NKAIN2: variants seen among roughly 807,000 people sequenced by gnomAD.
The protein encoded by NKAIN2 is sodium/potassium-transporting ATPase subunit beta-1-interacting protein 2.
A neutral mutation model predicts 32.6 loss-of-function variants in NKAIN2; 14 were observed. The ratio of observed to expected loss-of-function variants is 0.43; its 90% CI spans 0.28 to 0.67. The LOEUF (loss-of-function observed/expected upper bound fraction) is 0.67, where lower values mean the gene tolerates loss of function less well. NKAIN2 is among the 30% of genes least tolerant of loss of function. The pLI, the probability that NKAIN2 is intolerant of heterozygous loss-of-function variation, is 0.17. For synonymous variants in NKAIN2, 80 were observed against 87.2 expected (o/e 0.92, Z 0.46); for missense variants, 198 against 258.3 (o/e 0.77, Z 1.60).
intron 2 of NKAIN2, among the ~76,000 whole-genome samples, chr6:124,331,390 G>A (rs188685236): frequency 3.9e-4 from 53 of 137,558 alleles, no homozygotes; most frequent in African/African-American, 1.0e-3. Context: ...CTAGCTGGGC[G>A]TGGTGGCGGA....
chr6:123,920,984 T>A (rs1176565200), intron 1 of NKAIN2, among the ~76,000 whole-genome samples: 1 of 152,196 alleles, frequency 6.6e-6, no homozygotes, highest in African/African-American at 2.4e-5. Context: ...GGAATTGGGA[T>A]ATGACTGTGG....
intron 3 of NKAIN2, among the ~76,000 whole-genome samples, chr6:124,525,306 C>T (rs369702965): frequency 2.0e-5 from 3 of 149,980 alleles, no homozygotes; most frequent in Non-Finnish European, 3.0e-5. Flanking sequence ...CTTTTTTTTT[C>T]TTAGATGATG....
intron 1 of NKAIN2, among the ~76,000 whole-genome samples, chr6:124,260,933 A>G (rs903210196): frequency 7.9e-5 from 12 of 152,216 alleles, no homozygotes; most frequent in East Asian, 1.9e-4. Context: ...TCAACACTCA[A>G]TAATTGTGCT....
At chr6:124,707,604 T>C (rs1775165562) in intron 4 of NKAIN2, among the ~76,000 whole-genome samples, 2 of 144,268 alleles carry the variant, frequency 1.4e-5, no homozygotes, top group South Asian at 4.5e-4. Context: ...ATGGTGAGCA[T>C]TTTTTCATGT....
At chr6:124,679,458 G>A (rs1314566934) in intron 4 of NKAIN2, among the ~76,000 whole-genome samples, 1 of 152,196 alleles carries the variant, frequency 6.6e-6, no homozygotes, top group Non-Finnish European at 1.5e-5. Flanking sequence ...CCAGGAGCTG[G>A]AGGTATTTTC....
intron 3 of NKAIN2, among the ~76,000 whole-genome samples, chr6:124,467,597 T>C (rs1366426687): frequency 6.6e-6 from 1 of 152,074 alleles, no homozygotes; most frequent in African/African-American, 2.4e-5. Flanking sequence ...CCAAAAGTGA[T>C]TCAAAGTCTA....
intron 3 of NKAIN2, among the ~76,000 whole-genome samples, chr6:124,576,147 A>G (rs1474803025): frequency 6.6e-6 from 1 of 152,206 alleles, no homozygotes; most frequent in African/African-American, 2.4e-5. Context: ...ACACATTTTT[A>G]TGATTTCGAG....
intron 3 of NKAIN2, among the ~76,000 whole-genome samples, chr6:124,586,727 A>C (rs1781724974): frequency 6.6e-6 from 1 of 152,232 alleles, no homozygotes. Context: ...ATGGCCACAC[A>C]AAAGTCTGTG....
chr6:123,865,776 A>G (rs1243666555), intron 1 of NKAIN2, among the ~76,000 whole-genome samples: 1 of 152,200 alleles, frequency 6.6e-6, no homozygotes, highest in Admixed American at 6.5e-5. Flanking sequence ...GGTGGTTGGA[A>G]CAATCAAAGA....
chr6:124,336,694 A>C (rs1349108721), intron 2 of NKAIN2, among the ~76,000 whole-genome samples: 5 of 98,360 alleles, frequency 5.1e-5, no homozygotes, highest in Admixed American at 1.1e-4. Context: ...TTTTTTTTTG[A>C]GACGGAGTCT....
intron 1 of NKAIN2, among the ~76,000 whole-genome samples, chr6:124,076,827 T>G (rs547906443): frequency 6.6e-6 from 1 of 152,268 alleles, no homozygotes; most frequent in Admixed American, 6.5e-5. Context: ...ACGCCCAGGC[T>G]CTCCTGTCTG....
At chr6:124,692,524 C>T (rs183354299) in intron 4 of NKAIN2, among the ~76,000 whole-genome samples, 11 of 152,068 alleles carry the variant, frequency 7.2e-5, no homozygotes, top group Non-Finnish European at 1.3e-4. Context: ...ATAAAAATTA[C>T]GTAACATGAG....
chr6:124,339,366 A>G (rs1798020571), intron 2 of NKAIN2, among the ~76,000 whole-genome samples: 1 of 151,982 alleles, frequency 6.6e-6, no homozygotes, highest in Non-Finnish European at 1.5e-5. Flanking sequence ...AACAACAACA[A>G]CAAAAACTGC....
intron 4 of NKAIN2, among the ~76,000 whole-genome samples, chr6:124,662,641 C>G (rs1784789805): frequency 6.6e-6 from 1 of 152,178 alleles, no homozygotes; most frequent in South Asian, 2.1e-4. Flanking sequence ...TGCCATTTGT[C>G]TGGCTAAGAC....
intron 2 of NKAIN2, among the ~76,000 whole-genome samples, chr6:124,319,479 A>G (rs896272600): frequency 1.3e-5 from 2 of 152,106 alleles, no homozygotes; most frequent in Non-Finnish European, 2.9e-5. Flanking sequence ...ATCATATGTC[A>G]CTGGTGATGG....
chr6:124,711,409 A>T (rs1158226253), intron 4 of NKAIN2, among the ~76,000 whole-genome samples: 5 of 138,812 alleles, frequency 3.6e-5, no homozygotes, highest in South Asian at 5.0e-4. Context: ...TATCCTGCAG[A>T]GTGTTTTCTA....
intron 1 of NKAIN2, among the ~76,000 whole-genome samples, chr6:124,193,411 G>A (rs903397501): frequency 6.6e-6 from 1 of 152,174 alleles, no homozygotes; most frequent in African/African-American, 2.4e-5. Context: ...CTCCCTGCAA[G>A]TGTGCAGCTG....
chr6:124,816,843 CT>C (rs1441233138), intron 5 of NKAIN2, among the ~76,000 whole-genome samples: 1 of 152,092 alleles, frequency 6.6e-6, no homozygotes, highest in African/African-American at 2.4e-5. Context: ...GCCTTGTGTT[CT>C]TTTGTTTCTT....
intron 4 of NKAIN2, among the ~76,000 whole-genome samples, chr6:124,669,581 G>A (rs934492860): frequency 1.3e-5 from 2 of 152,022 alleles, no homozygotes; most frequent in Non-Finnish European, 2.9e-5. Context: ...AACATTCAGG[G>A]TAGGGAACTC....
Sources: allele counts gnomAD v4.1 joint callset (sites outside exome capture counted in the v4.1 genomes callset), GRCh38; gene constraint gnomAD v4.1.1; transcripts MANE v1.5; gene names NCBI Gene and HGNC (gene_info 2026-07-23, HGNC 2026-07-21).